The following SLC9C2 variants were observed in gnomAD, a reference collection of about 807,000 sequenced individuals.
SLC9C2 encodes the protein solute carrier family 9 member C2 (putative), also known as sodium/hydrogen exchanger 11.
A neutral mutation model predicts 140.2 loss-of-function variants in SLC9C2; 75 were observed. The observed-to-expected ratio is 0.53, with a 90% CI of 0.44 to 0.65. The LOEUF is 0.65. SLC9C2 is among the 30% of genes least tolerant of loss of function. SLC9C2 has a pLI of 0.00. For synonymous variants in SLC9C2, 375 were observed against 420.9 expected, an observed-to-expected ratio of 0.89 and a Z score of 1.34; for missense variants, 1,074 against 1,331.8, an observed-to-expected ratio of 0.81 and a Z score of 3.01.
intron 18 of SLC9C2, among the ~76,000 whole-genome samples, chr1:173,528,781 G>A (rs895439400): frequency 9.2e-5 from 14 of 152,126 alleles, no homozygotes; most frequent in African/African-American, 3.4e-4. Context: ...AAAATCAAGA[G>A]TGTAACTTGG....
intron 27 of SLC9C2, among the ~76,000 whole-genome samples, chr1:173,501,372 G>T (rs1659253718): frequency 6.6e-6 from 1 of 152,154 alleles, no homozygotes; most frequent in African/African-American, 2.4e-5. Context: ...TGTTACAGAA[G>T]TTGAATTCCA....
At chr1:173,572,526 C>A (rs1190544322) in intron 9 of SLC9C2, among the ~76,000 whole-genome samples, 2 of 152,226 alleles carry the variant, frequency 1.3e-5, no homozygotes, top group Non-Finnish European at 2.9e-5. Flanking sequence ...ATGGAAGACA[C>A]AACTACCATC....
At chr1:173,517,277 T>A (rs554721293) in intron 23 of SLC9C2, among the ~76,000 whole-genome samples, 15 of 152,314 alleles carry the variant, frequency 9.8e-5, no homozygotes, top group Non-Finnish European at 2.1e-4. Context: ...CCTCATAACA[T>A]CAAAAGGTTG....
intron 13 of SLC9C2, among the ~76,000 whole-genome samples, chr1:173,543,564 C>G (rs960522331): frequency 2.0e-5 from 3 of 152,028 alleles, no homozygotes; most frequent in African/African-American, 7.2e-5. Context: ...CTAACCAAAA[C>G]TAACAAAGCT....
chr1:173,573,673 T>C (rs1351893280), intron 8 of SLC9C2, among the ~76,000 whole-genome samples: 2 of 152,122 alleles, frequency 1.3e-5, no homozygotes, highest in South Asian at 2.1e-4. Context: ...AAACCCGGAG[T>C]TGTAGTTGCT....
At chr1:173,549,684 G>A (rs957442067) in intron 11 of SLC9C2, among the ~76,000 whole-genome samples, 2 of 152,232 alleles carry the variant, frequency 1.3e-5, no homozygotes, top group Admixed American at 6.5e-5. Flanking sequence ...ACAAGCACCT[G>A]TTAAATGTGT....
At chr1:173,513,172 C>T (rs140792782) in intron 23 of SLC9C2, among the ~76,000 whole-genome samples, 41 of 152,246 alleles carry the variant, frequency 2.7e-4, no homozygotes, top group African/African-American at 9.9e-4. Context: ...ATGATGCTGG[C>T]CTCATAAAAT....
chr1:173,600,989 T>C (rs1323298745), intron 2 of SLC9C2, among the ~76,000 whole-genome samples: 1 of 152,242 alleles, frequency 6.6e-6, no homozygotes, highest in Non-Finnish European at 1.5e-5. Flanking sequence ...CTAAAGCATC[T>C]GTGTGTTGAA....
At chr1:173,520,361 C>T (rs865799185) in intron 22 of SLC9C2, among the ~76,000 whole-genome samples, 1 of 152,166 alleles carries the variant, frequency 6.6e-6, no homozygotes, top group Non-Finnish European at 1.5e-5. Flanking sequence ...TCATGCCCAG[C>T]TTATATTGCC....
chr1:173,542,060 G>C (rs977798447), intron 13 of SLC9C2, among the ~76,000 whole-genome samples: 4 of 152,094 alleles, frequency 2.6e-5, no homozygotes, highest in African/African-American at 9.7e-5. Context: ...AAAAATCAAT[G>C]AATCCAGGAG....
At position 173,519,818 on chromosome 1, in the gene SLC9C2, AT is replaced by A. The variant is rs918632533; in HGVS notation, c.2739+1482del. Among the ~76,000 whole-genome samples, 26 of 150,422 alleles carry A rather than the reference AT, an allele frequency of 1.7e-4. 1 individual carries two copies. In the South Asian group the frequency reaches 2.5e-3, roughly 15 times the overall value. On this transcript the variant is annotated intron_variant, in intron 22 of 27. Transcript: ENST00000367714. ...AGTATGTGTAGTTGGGGCCAAGTGA[AT>A]TTTTTTTTTCTGTTCATCAGTTTTC... is the stretch of plus-strand genomic sequence containing the variant.
At chr1:173,531,212 G>T (rs1304880755) in intron 17 of SLC9C2, among the ~76,000 whole-genome samples, 2 of 152,170 alleles carry the variant, frequency 1.3e-5, no homozygotes, top group Non-Finnish European at 1.5e-5. Flanking sequence ...GGAAAATAGT[G>T]AGTGTTCAAT....
chr1:173,543,417 T>A (rs963677785), intron 13 of SLC9C2, among the ~76,000 whole-genome samples: 11 of 152,116 alleles, frequency 7.2e-5, no homozygotes, highest in African/African-American at 2.2e-4. Flanking sequence ...ATCGTGAAAA[T>A]GGCCATACTG....
At chr1:173,587,935 A>T in intron 4 of SLC9C2, 105 bp from the exon 5 acceptor site, 1 of 827,482 alleles carries the variant, frequency 1.2e-6, no homozygotes, top group Non-Finnish European at 1.8e-6. Context: ...ATGTTATACA[A>T]TTACCCTGGA....
chr1:173,566,983 G>T (rs1664514252), intron 9 of SLC9C2, among the ~76,000 whole-genome samples: 1 of 151,872 alleles, frequency 6.6e-6, no homozygotes, highest in East Asian at 1.9e-4. Context: ...GTGTTGTATA[G>T]TTTGCAAAAT....
intron 4 of SLC9C2, among the ~76,000 whole-genome samples, chr1:173,594,808 T>C (rs1001508983): frequency 2.0e-5 from 3 of 152,230 alleles, no homozygotes; most frequent in Admixed American, 6.5e-5. Flanking sequence ...ATGAAACCAG[T>C]AAGAATTGTA....
At chr1:173,541,119 T>C (rs951850778) in intron 13 of SLC9C2, among the ~76,000 whole-genome samples, 3 of 151,618 alleles carry the variant, frequency 2.0e-5, no homozygotes, top group African/African-American at 7.3e-5. Flanking sequence ...TCATCTCACA[T>C]GCAGAAACAC....
intron 18 of SLC9C2, among the ~76,000 whole-genome samples, chr1:173,527,767 G>A (rs1435498768): frequency 6.6e-6 from 1 of 152,132 alleles, no homozygotes; most frequent in Non-Finnish European, 1.5e-5. Context: ...TCTTTATAGG[G>A]AACACCTGGT....
chr1:173,513,945 C>A (rs1293325396), intron 23 of SLC9C2, among the ~76,000 whole-genome samples: 1 of 152,204 alleles, frequency 6.6e-6, no homozygotes, highest in Admixed American at 6.5e-5. Context: ...TGTTCAATTT[C>A]CATGTAGTTC....
Sources: gnomAD v4.1 joint callset for allele counts (sites outside exome capture counted in the v4.1 genomes callset) on GRCh38, gnomAD v4.1.1 for gene constraint, MANE v1.5 for transcripts, NCBI Gene and HGNC (gene_info 2026-07-23, HGNC 2026-07-21) for gene names.